Variants in VCPKMT observed in about 807,000 individuals in gnomAD.
VCPKMT encodes the protein valosin containing protein lysine methyltransferase.
VCPKMT carries 32 observed loss-of-function variants against 28.6 expected under a neutral mutation model. That is an observed-to-expected ratio of 1.12 (90% CI 0.84 to 1.50). The LOEUF is 1.50. VCPKMT is among the 40% of genes most tolerant of loss of function. The probability of loss-of-function intolerance (pLI) is 0.00; values close to 1 mark genes in which losing one functional copy is unlikely to be tolerated. For missense variants in VCPKMT, 366 were observed against 285.0 expected (o/e 1.28, Z -2.05); for synonymous variants, 138 against 111.4 (o/e 1.24, Z -1.50).
At chr14:50,109,854 G>T in intron 5 of VCPKMT, 141 bp from the exon 6 acceptor site, 1 of 975,538 alleles carries the variant, frequency 1.0e-6, no homozygotes, top group Non-Finnish European at 1.4e-6. Context: ...GAACAACCAT[G>T]CATGTTTATA....
At chr14:50,112,256 C>T (rs924678596) in intron 5 of VCPKMT, among the ~76,000 whole-genome samples, 2 of 151,894 alleles carry the variant, frequency 1.3e-5, no homozygotes, top group African/African-American at 2.4e-5. Context: ...CCTTTAAAAG[C>T]GAAGCCTGGC....
chr14:50,116,294 T>C lies in VCPKMT; in HGVS notation c.259A>G (p.Thr87Ala), dbSNP rs775001245. The C allele has an allele frequency of 1.2e-6, 2 of 1,603,820 alleles. No homozygotes were observed. Among genetic ancestry groups the C allele is most frequent in the East Asian group, 4.5e-5 (2 of 44,330 alleles). Reference sequence around the variant, plus strand: ...CCGCCCGCCAGCTCTTACCCGAGGGTAGCAGCCATGAGCCCCACGGCCCCG... The same window carrying C: ...CCGCCCGCCAGCTCTTACCCGAGGGCAGCAGCCATGAGCCCCACGGCCCCG... ...GTGAVGLMAA[T>A]LGADVVVTDL... Residue 87 changes from threonine (T) to alanine (A), a missense_variant, in exon 1 of 6, where the codon ACC (threonine) becomes GCC (alanine). By Grantham distance (58) the Thr-to-Ala change is moderately conservative (BLOSUM62 0). Transcript: ENST00000395860.
chr14:50,110,051 C>T (rs558920680), intron 5 of VCPKMT, among the ~76,000 whole-genome samples: 1 of 152,236 alleles, frequency 6.6e-6, no homozygotes, highest in South Asian at 2.1e-4. Context: ...TCGACACAAG[C>T]CTGGCCAACC....
At chr14:50,104,993 T>C (rs543028653), downstream of VCPKMT, among the ~76,000 whole-genome samples, 3 of 152,294 alleles carry the variant, frequency 2.0e-5, no homozygotes, top group Admixed American at 6.5e-5. Flanking sequence ...CTTGTTTTAC[T>C]TACCCTGTGT....
downstream of VCPKMT, among the ~76,000 whole-genome samples, chr14:50,104,966 AT>A: frequency 6.6e-6 from 1 of 152,242 alleles, no homozygotes; most frequent in East Asian, 1.9e-4. Context: ...ACCAAATACA[AT>A]TTTACAAGAA....
At chr14:50,104,266 A>C (rs1276733102), downstream of VCPKMT, among the ~76,000 whole-genome samples, 1 of 152,240 alleles carries the variant, frequency 6.6e-6, no homozygotes, top group Non-Finnish European at 1.5e-5. Flanking sequence ...TGTATCTCAC[A>C]GTTGATAGGG....
downstream of VCPKMT, chr14:50,108,485 G>A (rs996298647): frequency 3.5e-6 from 2 of 579,164 alleles, no homozygotes; most frequent in African/African-American, 4.1e-5. Context: ...AACCAGCAAA[G>A]GAAACTTTTA....
rs144613500 is a variant in VCPKMT at position 50,109,720 on chromosome 14, C to CA, written c.676-8dup. ...GGCTTCACGATGGAAATTTCTATAA[C>CA]AAAAAAAAAGGAAACTTAAAAGATT... On this transcript the variant is annotated splice_region_variant and splice_polypyrimidine_tract_variant and intron_variant, in intron 5 of 5. Transcript: ENST00000395860. The CA allele has an allele frequency of 2.2e-4, 348 of 1,571,218 alleles. No homozygotes were observed. Among genetic ancestry groups the CA allele is most frequent in the Admixed American group, 7.3e-4 (40 of 54,988 alleles).
chr14:50,103,190 A>G, the VCPKMT span, among the ~76,000 whole-genome samples: 1 of 152,342 alleles, frequency 6.6e-6, no homozygotes, highest in Middle Eastern at 3.4e-3. Flanking sequence ...ACACTGGCTG[A>G]TGGAGAAACA....
intron 3 of VCPKMT, among the ~76,000 whole-genome samples, chr14:50,115,615 A>G (rs1776600672): frequency 6.6e-6 from 1 of 152,256 alleles, no homozygotes; most frequent in South Asian, 2.1e-4. Flanking sequence ...AGCCTCTAGT[A>G]AAATGCATAT....
downstream of VCPKMT, among the ~76,000 whole-genome samples, chr14:50,107,828 A>G (rs1208764981): frequency 6.6e-6 from 1 of 152,188 alleles, no homozygotes; most frequent in Non-Finnish European, 1.5e-5. Flanking sequence ...TTTCTGAACT[A>G]AAAGAGCTGG....
At chr14:50,110,001 TTTGGGAGG>T (rs1464669530) in intron 5 of VCPKMT, among the ~76,000 whole-genome samples, 1 of 152,172 alleles carries the variant, frequency 6.6e-6, no homozygotes, top group East Asian at 1.9e-4. Context: ...ATCCCAGCAC[TTTGGGAGG>T]CTGAGGTGGC....
chr14:50,115,189 G>C (rs987392882), intron 3 of VCPKMT, among the ~76,000 whole-genome samples: 1 of 98,200 alleles, frequency 1.0e-5, no homozygotes. Flanking sequence ...TTTTGCTCTT[G>C]TTGCCCAGGC....
intron 5 of VCPKMT, chr14:50,111,437 A>G (rs907018910): frequency 1.8e-5 from 18 of 985,362 alleles, no homozygotes; most frequent in Non-Finnish European, 2.2e-5. Flanking sequence ...TAGAATTCAT[A>G]TAATCAGAAA....
intron 3 of VCPKMT, among the ~76,000 whole-genome samples, chr14:50,115,125 A>C (rs1281173615): frequency 6.6e-6 from 1 of 151,108 alleles, no homozygotes; most frequent in Non-Finnish European, 1.5e-5. Flanking sequence ...ATCGATGCCC[A>C]CAACACTATA....
chr14:50,114,671 C>G (rs949664998), intron 3 of VCPKMT, among the ~76,000 whole-genome samples: 37 of 152,076 alleles, frequency 2.4e-4, no homozygotes, highest in African/African-American at 8.7e-4. Flanking sequence ...GACAAACCAC[C>G]CCCCGCAACA....
rs1883220433 is a variant in VCPKMT, at chr14:50,116,404, GA to G, written c.148del (p.Ser50LeufsTer17). 1.2e-6 allele frequency: 2 copies of G among 1,613,988 alleles called. No homozygotes were observed. Among genetic ancestry groups the G allele is most frequent in the Non-Finnish European group, 1.7e-6 (2 of 1,179,940 alleles). On this transcript the variant is annotated frameshift_variant, in exon 1 of 6. Transcript: ENST00000395860. LOFTEE classifies it high-confidence loss of function. ...CVVWDAAIVL[S>X]KYLETPEFSG... ...AAACTCGGGCGTTTCCAGGTATTTA[GA>G]AAGGACAATGGCAGCGTCCCACACA... is the stretch of plus-strand genomic sequence containing the variant.
At chr14:50,116,001 T>TA in intron 2 of VCPKMT, 68 bp downstream of exon 2, 1 of 1,593,760 alleles carries the variant, frequency 6.3e-7, no homozygotes, top group South Asian at 1.1e-5. Context: ...TTCCATCCTT[T>TA]TAATGAAACG....
downstream of VCPKMT, among the ~76,000 whole-genome samples, chr14:50,106,084 C>G (rs1377676629): frequency 6.6e-6 from 1 of 152,116 alleles, no homozygotes; most frequent in African/African-American, 2.4e-5. Flanking sequence ...GAAGTAGATG[C>G]TAAACGGATA....
Sources: gnomAD v4.1 joint callset for allele counts (sites outside exome capture counted in the v4.1 genomes callset) on GRCh38, gnomAD v4.1.1 for gene constraint, MANE v1.5 for transcripts, NCBI Gene and HGNC (gene_info 2026-07-23, HGNC 2026-07-21) for gene names.